DIMT1: variants seen among roughly 807,000 people sequenced by gnomAD.
The protein encoded by DIMT1 is dimethyladenosine transferase.
A neutral mutation model predicts 43.2 loss-of-function variants in DIMT1; 36 were observed. The ratio of observed to expected loss-of-function variants is 0.83; its 90% confidence interval spans 0.64 to 1.10. DIMT1 has a LOEUF of 1.10. DIMT1 is among the 50% of genes least tolerant of loss of function. The pLI is 0.00. For missense variants in DIMT1, 341 were observed against 385.3 expected, an observed-to-expected ratio of 0.88 and a Z score of 0.96; for synonymous variants, 126 against 130.3, an observed-to-expected ratio of 0.97 and a Z score of 0.22.
intron 3 of DIMT1, among the ~76,000 whole-genome samples, chr5:62,401,074 T>C (rs987462402): frequency 6.6e-6 from 1 of 152,204 alleles, no homozygotes; most frequent in Non-Finnish European, 1.5e-5. Context: ...TATCCGCTTT[T>C]CTCTGCATCC....
intron 6 of DIMT1, among the ~76,000 whole-genome samples, chr5:62,397,579 T>C (rs528921611): frequency 4.6e-5 from 7 of 152,340 alleles, no homozygotes; most frequent in East Asian, 1.9e-4. Context: ...ATCTTCAACA[T>C]TGTCTCAGCC....
At chr5:62,394,403 A>G in intron 7 of DIMT1, 81 bp downstream of exon 7, 1 of 1,445,984 alleles carries the variant, frequency 6.9e-7, no homozygotes, top group Admixed American at 1.7e-5. Context: ...CAGAGATCGC[A>G]GTGAGCCACT....
Position 62,403,828 on chromosome 5 carries a change from A to T in DIMT1, c.-56T>A. On this transcript the variant is annotated 5_prime_UTR_variant, in exon 1 of 12. Transcript: ENST00000199320. ...ACGTCAAGGAGGACCAAAGAGGGCT[A>T]GCGTGAGAAAGCCACCACGTGGGGA... The T allele has an allele frequency of 6.4e-7, 1 of 1,555,516 alleles. No homozygotes were observed. Among genetic ancestry groups the T allele is most frequent in the Non-Finnish European group, 8.7e-7 (1 of 1,143,100 alleles).
chr5:62,390,796 T>C lies in DIMT1; in HGVS notation c.899+80A>G, dbSNP rs1742274261. ...TCTCCCAGGTAGCACCTTATACCGC[T>C]TAAAAGCCTTTAAAATCTCCAATCT... On this transcript the variant is annotated intron_variant, in intron 11 of 11. Transcript: ENST00000199320. 5 of 1,214,880 alleles carry C rather than the reference T, an allele frequency of 4.1e-6. No homozygotes were observed. In the South Asian group the frequency reaches 6.0e-5, roughly 15 times the overall value. The allele number at this position is 1,214,880 out of a possible 1,614,324, so 75.3% of individuals were successfully genotyped here.
In DIMT1 at chr5:62,389,032, G is replaced by A. The variant is rs574068223; in HGVS notation, c.920C>T (p.Ala307Val). The A allele has an allele frequency of 3.9e-5, 63 of 1,609,666 alleles. 1 individual carries two copies. In the South Asian group the frequency reaches 6.6e-4, roughly 17 times the overall value. The change falls in exon 12 of 12, where the codon GCA becomes GTA. Residue 307 changes from alanine (A) to valine (V), a missense_variant. Physicochemically the swap from Ala to Val is moderately conservative, Grantham distance 64. Transcript: ENST00000199320. The part of the protein sequence containing the change: ...DFIRLLHGFN[A>V]EGIHFS ...TACCTAGGAAAAATGAATACCTTCTGCGTTGAATCCATGTAGCAATCTGAA... is the reference window on the plus strand; with the variant it reads ...TACCTAGGAAAAATGAATACCTTCTACGTTGAATCCATGTAGCAATCTGAA...
At chr5:62,399,227 G>A (rs1185230393) in intron 3 of DIMT1, among the ~76,000 whole-genome samples, 3 of 152,218 alleles carry the variant, frequency 2.0e-5, no homozygotes, top group African/African-American at 7.2e-5. Context: ...AACACTTTGG[G>A]AGGCTGAGAC....
At chr5:62,392,026 A>T in intron 10 of DIMT1, 145 bp downstream of exon 10, 7 of 1,553,246 alleles carry the variant, frequency 4.5e-6, no homozygotes, top group Non-Finnish European at 6.1e-6. Context: ...TTCAAGTCAA[A>T]ATTGTGCTAG....
chr5:62,392,239 A>AGTTTAT lies in DIMT1; in HGVS notation c.729-6_729-5insATAAAC. ...AGTTGTTGCACTGCACTTGATCTAT[A>AGTTTAT]GCATAAAGAAGTGATGCCACTGTTA... On this transcript the variant is annotated splice_polypyrimidine_tract_variant and splice_region_variant and intron_variant, in intron 9 of 11. Coordinates refer to ENST00000199320, the MANE Select transcript of DIMT1 (RefSeq NM_014473.4). 6.2e-7 allele frequency: 1 copy of AGTTTAT among 1,610,470 alleles called. No individual in the cohort carries two copies. Among genetic ancestry groups the AGTTTAT allele is most frequent in the Non-Finnish European group, 8.5e-7 (1 of 1,178,722 alleles).
At position 62,387,681 on chromosome 5, in the gene DIMT1, T is replaced by G. The variant is rs548300378; in HGVS notation, c.*1329A>C. On this transcript the variant is annotated 3_prime_UTR_variant, in exon 12 of 12. Transcript: ENST00000199320. ...AGAAAGCCGAGTTAAATCTTAAAAT[T>G]TTTACTATAAGGATAGAGATGATAC... is the stretch of plus-strand genomic sequence containing the variant. The G allele has an allele frequency of 2.0e-5, 3 of 152,206 alleles. No homozygotes were observed. The highest frequency in any genetic ancestry group is 7.2e-5 in the African/African-American group (3 of 41,552). The allele number at this position is 152,206 out of a possible 1,614,324, so 9.4% of individuals were successfully genotyped here. A position where few individuals can be genotyped will look rare whatever the true frequency, so the allele number is the denominator to read the frequency against.
chr5:62,403,888 A>C lies in DIMT1; in HGVS notation c.-116T>G. On this transcript the variant is annotated 5_prime_UTR_variant, in exon 1 of 12. Coordinates refer to ENST00000199320, the MANE Select transcript of DIMT1 (RefSeq NM_014473.4). ...CGCGCCGCCCGCACCACTCTGGCCC[A>C]AGCGCCGGAGGGGCAAGGGTCCGCC... 1 of 1,147,258 alleles carries C rather than the reference A, an allele frequency of 8.7e-7. No homozygotes were observed. Among genetic ancestry groups the C allele is most frequent in the Non-Finnish European group, 1.2e-6 (1 of 816,374 alleles). 71.1% of individuals were successfully genotyped at this position (1,147,258 alleles called of 1,614,324 possible).
chr5:62,398,905 A>G, intron 3 of DIMT1, 24 bp from the exon 4 acceptor site: 1 of 1,528,684 alleles, frequency 6.5e-7, no homozygotes, highest in African/African-American at 1.4e-5. Flanking sequence ...AATAAAAATT[A>G]TTTAGGTTAA....
chr5:62,394,433 AGAGT>A, intron 7 of DIMT1, 47 bp downstream of exon 7: 1 of 1,585,058 alleles, frequency 6.3e-7, no homozygotes, highest in East Asian at 2.2e-5. Context: ...CCTGGGTGAC[AGAGT>A]GAGATTCTAT....
At chr5:62,394,106 G>A in intron 7 of DIMT1, 59 bp from the exon 8 acceptor site, 1 of 1,475,274 alleles carries the variant, frequency 6.8e-7, no homozygotes, top group Non-Finnish European at 9.4e-7. Context: ...TTAGTAACCA[G>A]ATATGCTATC....
At chr5:62,389,459 C>G (rs577743321) in intron 11 of DIMT1, among the ~76,000 whole-genome samples, 34 of 121,470 alleles carry the variant, frequency 2.8e-4, no homozygotes, top group Non-Finnish European at 4.8e-4. Flanking sequence ...GGAGTCCAGC[C>G]TGGGTGACAG....
chr5:62,397,186 T>G (rs1742526996), intron 6 of DIMT1, among the ~76,000 whole-genome samples: 1 of 152,084 alleles, frequency 6.6e-6, no homozygotes, highest in South Asian at 2.1e-4. Context: ...TCAAGTGATC[T>G]GCCCGCCTCG....
chr5:62,394,605 C>T lies in DIMT1; in HGVS notation c.449G>A (p.Cys150Tyr), dbSNP rs1368446545. Reference sequence around the variant, plus strand: ...TTCTCTTTGAAACATAAGTATAGCACACCTGAAAAGAAAGCAGAAAGGAAT... The same window carrying T: ...TTCTCTTTGAAACATAAGTATAGCATACCTGAAAAGAAAGCAGAAAGGAAT... ...KLLLHRPFFR[C>Y]AILMFQREFA... is the part of the protein sequence containing the mutation. The change falls in exon 7 of 12, where the codon TGT becomes TAT. Residue 150 changes from cysteine to tyrosine, a missense_variant and splice_region_variant. Cys to Tyr is a radical substitution (Grantham distance 194). Coordinates refer to ENST00000199320, the MANE Select transcript of DIMT1 (RefSeq NM_014473.4). The T allele has an allele frequency of 1.9e-6, 3 of 1,613,916 alleles. No individual in the cohort carries two copies. Among genetic ancestry groups the T allele is most frequent in the Non-Finnish European group, 2.5e-6 (3 of 1,180,020 alleles).
Position 62,390,904 on chromosome 5 carries a change from G to C in DIMT1, c.871C>G (p.Arg291Gly), listed in dbSNP as rs778930323. The change falls in exon 11 of 12, where the codon CGT becomes GGT. Residue 291 changes from arginine (R) to glycine (G), a missense_variant. Transcript: ENST00000199320. ...TSTGFSDKRA[R>G]SMDIDDFIRL... The stretch of plus-strand genomic sequence containing the variant: ...ATGAAGTCATCTATGTCCATGGAAC[G>C]GGCCCGTTTGTCACTAAAACCTGTG... 1.2e-6 allele frequency: 2 copies of C among 1,612,060 alleles called. No individual in the cohort carries two copies. The highest frequency in any genetic ancestry group is 1.7e-5 in the Admixed American group (1 of 59,998).
intron 8 of DIMT1, 64 bp from the exon 9 acceptor site, chr5:62,393,054 G>T: frequency 9.1e-7 from 1 of 1,097,832 alleles, no homozygotes; most frequent in Non-Finnish European, 1.4e-6. Flanking sequence ...ATGCCCACTA[G>T]GTATTATTTT....
chr5:62,395,080 A>G (rs1293669648), intron 6 of DIMT1, among the ~76,000 whole-genome samples: 1 of 150,648 alleles, frequency 6.6e-6, no homozygotes, highest in East Asian at 2.0e-4. Flanking sequence ...GCTGGAGTGC[A>G]ATGGCGCAAT....
Sources: allele counts gnomAD v4.1 joint callset (sites outside exome capture counted in the v4.1 genomes callset), GRCh38; gene constraint gnomAD v4.1.1; transcripts MANE v1.5; gene names NCBI Gene and HGNC (gene_info 2026-07-23, HGNC 2026-07-21).